Variants in HERC3 observed in about 807,000 individuals in gnomAD.
HERC3 encodes probable E3 ubiquitin-protein ligase HERC3.
A neutral mutation model predicts 129.9 loss-of-function variants in HERC3; 58 were observed. That is an observed-to-expected ratio of 0.45 (90% CI 0.36 to 0.56). The LOEUF is 0.56. HERC3 is among the 20% of genes least tolerant of loss of function. The pLI is 0.00. For synonymous variants in HERC3, 430 were observed against 451.0 expected, an observed-to-expected ratio of 0.95 and a Z score of 0.59; for missense variants, 835 against 1,244.2, an observed-to-expected ratio of 0.67 and a Z score of 4.95.
the HERC3 span, among the ~76,000 whole-genome samples, chr4:88,556,153 T>A: frequency 1.3e-5 from 2 of 152,356 alleles, no homozygotes; most frequent in East Asian, 3.9e-4. Flanking sequence ...TCAAACATCT[T>A]GCATTCTCCA....
At position 88,604,535 on chromosome 4, in the gene HERC3, C is replaced by T. The variant is rs150539536; in HGVS notation, c.-29-1260C>T. On this transcript the variant is annotated intron_variant, in intron 2 of 25. Transcript: ENST00000402738. ...GCCTGTTCTATACATTTCATGTAAA[C>T]GGAATCATATAATTTGTGGACTTTT... is the stretch of plus-strand genomic sequence containing the variant. Among the ~76,000 whole-genome samples the T allele has an allele frequency of 3.5e-3, 527 of 152,274 alleles. 3 individuals are homozygous for T. Among genetic ancestry groups the T allele is most frequent in the African/African-American group, 0.012 (481 of 41,546 alleles).
intron 23 of HERC3, among the ~76,000 whole-genome samples, chr4:88,698,058 G>A (rs1734856138): frequency 6.6e-6 from 1 of 152,152 alleles, no homozygotes; most frequent in Non-Finnish European, 1.5e-5. Flanking sequence ...CCCCTGTAGA[G>A]CTGGGCTGGG....
intron 3 of HERC3, among the ~76,000 whole-genome samples, chr4:88,634,808 A>G (rs1197520754): frequency 6.6e-6 from 1 of 151,614 alleles, no homozygotes; most frequent in Non-Finnish European, 1.5e-5. Context: ...GCAGGCACCC[A>G]TCTCCACTCT....
chr4:88,692,858 C>T (rs1032137303), intron 23 of HERC3: 2 of 984,016 alleles, frequency 2.0e-6, no homozygotes, highest in African/African-American at 3.5e-5. Flanking sequence ...CTCTCAGGGG[C>T]TAAGGCTGGG....
At chr4:88,632,305 G>C (rs181160407) in intron 3 of HERC3, among the ~76,000 whole-genome samples, 8 of 152,300 alleles carry the variant, frequency 5.3e-5, no homozygotes, top group Admixed American at 2.6e-4. Context: ...CAGTGCAAAG[G>C]CTTTGAAAAC....
At chr4:88,664,600 C>G (rs552403899) in intron 12 of HERC3, among the ~76,000 whole-genome samples, 2 of 151,950 alleles carry the variant, frequency 1.3e-5, no homozygotes, top group Non-Finnish European at 2.9e-5. Context: ...AGCAGATTAC[C>G]GAGAGAGACT....
intron 3 of HERC3, among the ~76,000 whole-genome samples, chr4:88,606,512 C>T (rs1723653230): frequency 6.6e-6 from 1 of 151,900 alleles, no homozygotes; most frequent in Non-Finnish European, 1.5e-5. Flanking sequence ...TAGATTTTGC[C>T]CGTTGTATTA....
At chr4:88,622,368 G>T (rs991376291) in intron 3 of HERC3, among the ~76,000 whole-genome samples, 1 of 152,102 alleles carries the variant, frequency 6.6e-6, no homozygotes, top group Admixed American at 6.5e-5. Flanking sequence ...ACCACATTTT[G>T]TTTATACTTT....
At chr4:88,558,779 T>C in the HERC3 span, among the ~76,000 whole-genome samples, 44 of 151,168 alleles carry the variant, frequency 2.9e-4, no homozygotes, top group Non-Finnish European at 6.0e-4. Flanking sequence ...CTGGCTAACA[T>C]GGTGAAACCC....
chr4:88,651,390 A>G lies in HERC3; in HGVS notation c.387-622A>G, dbSNP rs182589403. Among the ~76,000 whole-genome samples, 906 of 152,306 alleles carry G rather than the reference A, an allele frequency of 5.9e-3. 9 individuals are homozygous for G. Among genetic ancestry groups the G allele is most frequent in the Non-Finnish European group, 7.3e-3 (496 of 68,028 alleles). ...GGAAAGTAACATAGCTTTGATGTCA[A>G]ACAAGCCTTGGATTCCAATACTGGC... On this transcript the variant is annotated intron_variant, in intron 4 of 25. Transcript: ENST00000402738.
At chr4:88,636,002 C>G (rs562349699) in intron 3 of HERC3, among the ~76,000 whole-genome samples, 1 of 152,016 alleles carries the variant, frequency 6.6e-6, no homozygotes, top group South Asian at 2.1e-4. Flanking sequence ...GAAGGAAGCA[C>G]TAAATATGGA....
chr4:88,609,707 AAT>A (rs1266626064), intron 3 of HERC3, among the ~76,000 whole-genome samples: 1 of 152,180 alleles, frequency 6.6e-6, no homozygotes, highest in Non-Finnish European at 1.5e-5. Flanking sequence ...CAGACAGAGA[AAT>A]ATGTTACAGG....
At chr4:88,675,468 G>T (rs1341122305) in intron 16 of HERC3, among the ~76,000 whole-genome samples, 2 of 152,090 alleles carry the variant, frequency 1.3e-5, no homozygotes, top group Non-Finnish European at 2.9e-5. Flanking sequence ...TTTTCTTTTT[G>T]AGAATTCTTG....
chr4:88,614,579 C>G (rs1233773857), intron 3 of HERC3, among the ~76,000 whole-genome samples: 1 of 152,116 alleles, frequency 6.6e-6, no homozygotes, highest in African/African-American at 2.4e-5. Context: ...TATCTTGAAA[C>G]CCATTAGACT....
chr4:88,655,339 G>T, intron 8 of HERC3, 35 bp downstream of exon 8: 1 of 1,609,712 alleles, frequency 6.2e-7, no homozygotes, highest in South Asian at 1.1e-5. Context: ...GTATTCACTA[G>T]GACCCAGAAA....
intron 3 of HERC3, among the ~76,000 whole-genome samples, chr4:88,629,492 T>G (rs1726504267): frequency 6.6e-6 from 1 of 152,254 alleles, no homozygotes; most frequent in Non-Finnish European, 1.5e-5. Flanking sequence ...TTATAGGATA[T>G]AATCCTAGTT....
Position 88,655,221 on chromosome 4 carries a change from A to T in HERC3, c.825A>T (p.Gly275=), listed in dbSNP as rs200989336. 6.2e-7 allele frequency: 1 copy of T among 1,613,878 alleles called. No individual in the cohort carries two copies. Among genetic ancestry groups the T allele is most frequent in the African/African-American group, 1.3e-5 (1 of 74,914 alleles). The change falls in exon 8 of 26, where the codon GGA becomes GGT. Residue 275 remains glycine, a synonymous_variant. Transcript: ENST00000402738. ...GCGCTGGTTCCTGTGGGCAACTTGG[A>T]CACGACTCCATGAATGATGAGGTTA... is the stretch of plus-strand genomic sequence containing the variant. ...TFGAGSCGQL[G]HDSMNDEVNP... is the part of the protein sequence containing the mutation.
intron 3 of HERC3, among the ~76,000 whole-genome samples, chr4:88,621,373 T>C (rs1255519121): frequency 1.3e-5 from 2 of 152,226 alleles, no homozygotes; most frequent in Non-Finnish European, 2.9e-5. Flanking sequence ...CTCAAAATGC[T>C]GGGATTACAG....
chr4:88,619,314 T>A (rs1480080957), intron 3 of HERC3, among the ~76,000 whole-genome samples: 1 of 152,236 alleles, frequency 6.6e-6, no homozygotes, highest in Non-Finnish European at 1.5e-5. Flanking sequence ...ATGCAGAATT[T>A]ATTTCTGGTC....
Sources: allele counts gnomAD v4.1 joint callset (sites outside exome capture counted in the v4.1 genomes callset), GRCh38; gene constraint gnomAD v4.1.1; transcripts MANE v1.5; gene names NCBI Gene and HGNC (gene_info 2026-07-23, HGNC 2026-07-21).